Variants in CPAP observed in about 807,000 individuals in gnomAD.
The protein encoded by CPAP is centrosomal P4.1-associated protein.
chr13:24,909,338 C>T, the CPAP span, among the ~76,000 whole-genome samples: 1 of 152,024 alleles, frequency 6.6e-6, no homozygotes, highest in East Asian at 1.9e-4. Flanking sequence ...ACTAGCCTGG[C>T]CAACATGTTG....
chr13:24,882,777 C>A, the CPAP span: 1 of 191,490 alleles, frequency 5.2e-6, no homozygotes. Flanking sequence ...TACAGAGACA[C>A]GTGTTTACTC....
the CPAP span, among the ~76,000 whole-genome samples, chr13:24,904,968 T>C: frequency 6.6e-6 from 1 of 152,142 alleles, no homozygotes; most frequent in Non-Finnish European, 1.5e-5. Flanking sequence ...TGCAGGACAG[T>C]ATACAAAAAG....
chr13:24,897,597 T>C, the CPAP span, among the ~76,000 whole-genome samples: 1 of 152,168 alleles, frequency 6.6e-6, no homozygotes. Context: ...TTATGGCACA[T>C]ATTACAATTC....
chr13:24,930,832 A>G, the CPAP span, among the ~76,000 whole-genome samples: 6 of 152,184 alleles, frequency 3.9e-5, no homozygotes, highest in African/African-American at 1.4e-4. Context: ...TGTACCCAGT[A>G]ATGGGATAGC....
the CPAP span, chr13:24,884,241 T>A: frequency 5.6e-6 from 9 of 1,614,004 alleles, no homozygotes; most frequent in Non-Finnish European, 7.6e-6. Context: ...TGCATAGTAG[T>A]AGATCTGTAA....
the CPAP span, chr13:24,905,329 A>AT: frequency 6.2e-7 from 1 of 1,609,434 alleles, no homozygotes; most frequent in Non-Finnish European, 8.5e-7. Context: ...TACATATTTT[A>AT]TAATGCTCTG....
At chr13:24,900,016 C>T in the CPAP span, among the ~76,000 whole-genome samples, 12 of 150,278 alleles carry the variant, frequency 8.0e-5, no homozygotes, top group South Asian at 6.3e-4. Flanking sequence ...GGAAGACAGA[C>T]GATAATAAAG....
the CPAP span, chr13:24,884,296 TGGA>T: frequency 4.3e-6 from 7 of 1,614,032 alleles, no homozygotes; most frequent in South Asian, 1.1e-5. Flanking sequence ...GGTTAAACTA[TGGA>T]GGAGAACACC....
At chr13:24,905,855 C>A in the CPAP span, 2 of 1,614,210 alleles carry the variant, frequency 1.2e-6, no homozygotes, top group East Asian at 2.2e-5. Context: ...GCTATCCTCT[C>A]TGCTGCTGAT....
At chr13:24,913,176 TA>T in the CPAP span, 4 of 647,278 alleles carry the variant, frequency 6.2e-6, no homozygotes, top group Non-Finnish European at 2.7e-6. Flanking sequence ...CAACCCAGCA[TA>T]AAAATGTCCT....
At chr13:24,905,401 TGA>T in the CPAP span, 10 of 1,614,086 alleles carry the variant, frequency 6.2e-6, no homozygotes, top group Non-Finnish European at 8.5e-6. Flanking sequence ...AGTGTGAATC[TGA>T]CTTTGGTTTT....
At chr13:24,910,413 T>C in the CPAP span, among the ~76,000 whole-genome samples, 2 of 152,150 alleles carry the variant, frequency 1.3e-5, no homozygotes, top group Non-Finnish European at 2.9e-5. Flanking sequence ...TTAGAACAGA[T>C]AGGGTTTCAC....
the CPAP span, chr13:24,924,732 TC>T: frequency 6.6e-6 from 1 of 152,204 alleles, no homozygotes; most frequent in Non-Finnish European, 1.5e-5. Flanking sequence ...CTTTATGCCA[TC>T]ATAGGAGTCA....
chr13:24,908,045 G>A, the CPAP span: 1 of 1,612,134 alleles, frequency 6.2e-7, no homozygotes, highest in East Asian at 2.2e-5. Context: ...CACTTCTGAG[G>A]AATCATCATG....
At chr13:24,933,069 G>C in the CPAP span, 9 of 1,590,314 alleles carry the variant, frequency 5.7e-6, no homozygotes, top group Non-Finnish European at 6.9e-6. Context: ...CTCGGCAGCA[G>C]AAGAAAAAGC....
chr13:24,893,618 C>T, the CPAP span, among the ~76,000 whole-genome samples: 11 of 152,320 alleles, frequency 7.2e-5, no homozygotes, highest in South Asian at 2.1e-4. Flanking sequence ...GGTTCACATC[C>T]GAGTTTTCTG....
chr13:24,905,467 GCTC>G, the CPAP span: 1 of 1,614,082 alleles, frequency 6.2e-7, no homozygotes, highest in South Asian at 1.1e-5. Context: ...GAGGACTTCT[GCTC>G]CTCCTGGACT....
chr13:24,896,523 A>G, the CPAP span, among the ~76,000 whole-genome samples: 1 of 152,268 alleles, frequency 6.6e-6, no homozygotes, highest in Admixed American at 6.5e-5. Flanking sequence ...CACAGGGATA[A>G]GAGCTAGCAG....
chr13:24,897,222 A>G, the CPAP span, among the ~76,000 whole-genome samples: 144 of 152,326 alleles, frequency 9.5e-4, no homozygotes, highest in African/African-American at 3.3e-3. Flanking sequence ...AGTCTGGGCC[A>G]CAGAGTGTGT....
Sources: gnomAD v4.1 joint callset for allele counts (sites outside exome capture counted in the v4.1 genomes callset) on GRCh38, gnomAD v4.1.1 for gene constraint, MANE v1.5 for transcripts, NCBI Gene and HGNC (gene_info 2026-07-23, HGNC 2026-07-21) for gene names.